The following DLG2 variants were observed in gnomAD, a reference collection of about 807,000 sequenced individuals.
DLG2 encodes discs large MAGUK scaffold protein 2, also known as disks large homolog 2.
A neutral mutation model predicts 132.5 loss-of-function variants in DLG2; 45 were observed. The observed-to-expected ratio is 0.34, with a 90% CI of 0.27 to 0.44. The LOEUF (loss-of-function observed/expected upper bound fraction) is 0.44, where lower values mean the gene tolerates loss of function less well. DLG2 is among the 20% of genes least tolerant of loss of function. The pLI is 1.00. For missense variants in DLG2, 1,045 were observed against 1,196.9 expected, an observed-to-expected ratio of 0.87 and a Z score of 1.87; for synonymous variants, 424 against 419.6, an observed-to-expected ratio of 1.01 and a Z score of -0.13.
intron 6 of DLG2, among the ~76,000 whole-genome samples, chr11:84,768,935 G>C (rs914222401): frequency 1.3e-5 from 2 of 151,790 alleles, no homozygotes; most frequent in Non-Finnish European, 2.9e-5. Context: ...ATAAGAAAGA[G>C]AAGAGAAAAA....
At chr11:83,529,006 C>T (rs1365197632) in intron 21 of DLG2, among the ~76,000 whole-genome samples, 1 of 152,140 alleles carries the variant, frequency 6.6e-6, no homozygotes, top group Non-Finnish European at 1.5e-5. Flanking sequence ...GTACATACTA[C>T]TAATAAGGCT....
chr11:84,681,655 C>A (rs916313608), intron 6 of DLG2, among the ~76,000 whole-genome samples: 1 of 152,088 alleles, frequency 6.6e-6, no homozygotes, highest in African/African-American at 2.4e-5. Context: ...AGGTGGGAAT[C>A]TGCAGATGAG....
chr11:83,623,870 C>T (rs1020078921), intron 19 of DLG2, among the ~76,000 whole-genome samples: 5 of 152,182 alleles, frequency 3.3e-5, no homozygotes, highest in African/African-American at 9.7e-5. Flanking sequence ...TCCCCTCTCA[C>T]CTATCCTCCT....
intron 6 of DLG2, among the ~76,000 whole-genome samples, chr11:85,041,526 T>A (rs1367651791): frequency 6.6e-6 from 1 of 151,734 alleles, no homozygotes; most frequent in Non-Finnish European, 1.5e-5. Context: ...AGCAGGGGAG[T>A]GGCATAAAAA....
At chr11:84,741,054 CTCTT>C (rs1186057430) in intron 6 of DLG2, among the ~76,000 whole-genome samples, 14 of 132,774 alleles carry the variant, frequency 1.1e-4, no homozygotes, top group Admixed American at 2.3e-4. Context: ...TGTGCCTATG[CTCTT>C]TTTTTTTTTT....
At chr11:84,841,050 T>C (rs1225228862) in intron 6 of DLG2, among the ~76,000 whole-genome samples, 1 of 151,374 alleles carries the variant, frequency 6.6e-6, no homozygotes, top group Non-Finnish European at 1.5e-5. Context: ...GATAAACTCT[T>C]CATTTATTGC....
chr11:84,583,150 G>A (rs1241745902), intron 6 of DLG2, among the ~76,000 whole-genome samples: 1 of 152,154 alleles, frequency 6.6e-6, no homozygotes, highest in Non-Finnish European at 1.5e-5. Context: ...TGACAGTTCA[G>A]TGGTCCCAGA....
intron 7 of DLG2, among the ~76,000 whole-genome samples, chr11:84,415,136 T>C (rs552114068): frequency 5.2e-4 from 79 of 152,312 alleles, no homozygotes; most frequent in African/African-American, 1.8e-3. Context: ...TTAATAAAGA[T>C]GTTATTCTAA....
chr11:85,504,829 T>G (rs1258302644), intron 3 of DLG2, among the ~76,000 whole-genome samples: 2 of 152,232 alleles, frequency 1.3e-5, no homozygotes, highest in Non-Finnish European at 2.9e-5. Flanking sequence ...ACAATATTGA[T>G]TCTTCCTATC....
chr11:83,619,055 C>T (rs892219981), intron 19 of DLG2, among the ~76,000 whole-genome samples: 2 of 152,158 alleles, frequency 1.3e-5, no homozygotes, highest in Non-Finnish European at 2.9e-5. Context: ...AAACTTAAAC[C>T]CGTATCCATT....
At chr11:84,084,958 T>G (rs1464894196) in intron 10 of DLG2, among the ~76,000 whole-genome samples, 1 of 152,196 alleles carries the variant, frequency 6.6e-6, no homozygotes, top group Non-Finnish European at 1.5e-5. Flanking sequence ...ATTGAGCTTA[T>G]TTTTATAGTG....
chr11:85,034,445 C>A (rs1421422382), intron 6 of DLG2, among the ~76,000 whole-genome samples: 3 of 152,112 alleles, frequency 2.0e-5, no homozygotes, highest in Non-Finnish European at 4.4e-5. Flanking sequence ...GTTTTCAGAT[C>A]CTATGTCAGC....
chr11:83,841,807 T>A (rs1030877150), intron 16 of DLG2, among the ~76,000 whole-genome samples: 1 of 152,208 alleles, frequency 6.6e-6, no homozygotes, highest in Non-Finnish European at 1.5e-5. Flanking sequence ...CAACTTCCAA[T>A]AGACAAGCAT....
intron 6 of DLG2, among the ~76,000 whole-genome samples, chr11:84,700,411 C>G (rs1360106283): frequency 6.6e-6 from 1 of 151,480 alleles, no homozygotes; most frequent in Non-Finnish European, 1.5e-5. Context: ...TGTATTGAGA[C>G]ATTTTGAGAA....
intron 15 of DLG2, among the ~76,000 whole-genome samples, chr11:83,884,288 T>A (rs1018589958): frequency 6.6e-6 from 1 of 152,158 alleles, no homozygotes; most frequent in Non-Finnish European, 1.5e-5. Context: ...ACCAGGAGAT[T>A]ATATCCCGCA....
At chr11:84,510,254 A>G (rs1189946596) in intron 7 of DLG2, among the ~76,000 whole-genome samples, 1 of 152,000 alleles carries the variant, frequency 6.6e-6, no homozygotes, top group Non-Finnish European at 1.5e-5. Context: ...ATGAGTAACT[A>G]TGTGCCAGTT....
chr11:83,532,824 G>A lies in DLG2; in HGVS notation c.2118-41C>T, dbSNP rs1401880610. 1.9e-6 allele frequency: 3 copies of A among 1,557,018 alleles called. No individual in the cohort carries two copies. In the African/African-American group the frequency reaches 4.1e-5, roughly 21 times the overall value. ...AATAAAGAGTCTCTCACGTGACAAG[G>A]CATTTATGACTAAGTTCCATATTAA... On this transcript the variant is annotated intron_variant, in intron 20 of 27. Transcript: ENST00000376104.
At chr11:84,328,102 G>A (rs917750241) in intron 7 of DLG2, among the ~76,000 whole-genome samples, 2 of 152,126 alleles carry the variant, frequency 1.3e-5, no homozygotes, top group Non-Finnish European at 2.9e-5. Context: ...TAGTGTAGGA[G>A]AGTGTGGAGG....
At chr11:84,380,959 T>C (rs756162948) in intron 7 of DLG2, among the ~76,000 whole-genome samples, 66 of 152,042 alleles carry the variant, frequency 4.3e-4, no homozygotes, top group Non-Finnish European at 8.3e-4. Flanking sequence ...TCATATAGAA[T>C]AATACATTGT....
Sources: allele counts gnomAD v4.1 joint callset (sites outside exome capture counted in the v4.1 genomes callset), GRCh38; gene constraint gnomAD v4.1.1; transcripts MANE v1.5; gene names NCBI Gene and HGNC (gene_info 2026-07-23, HGNC 2026-07-21).